The following PDCD11 variants were observed in gnomAD, a reference collection of about 807,000 sequenced individuals.
PDCD11 encodes the protein protein RRP5 homolog.
In PDCD11, 97 loss-of-function variants were observed where a neutral mutation model predicts 198.9. That is an observed-to-expected ratio of 0.49 (90% CI 0.41 to 0.58). PDCD11 has a LOEUF of 0.58. Among genes scored for constraint, PDCD11 ranks in the 20% least tolerant of loss-of-function variants. The probability of loss-of-function intolerance (pLI) is 0.00; values close to 1 mark genes in which losing one functional copy is unlikely to be tolerated. For synonymous variants in PDCD11, 893 were observed against 918.0 expected (o/e 0.97, Z 0.49); for missense variants, 2,102 against 2,312.7 (o/e 0.91, Z 1.87).
At position 103,440,579 on chromosome 10, in the gene PDCD11, C is replaced by A; in HGVS notation, c.4438C>A (p.Gln1480Lys). Residue 1480 changes from glutamine to lysine, a missense_variant and splice_region_variant, in exon 29 of 36, where the codon CAG becomes AAG. Physicochemically the swap from Gln to Lys is moderately conservative, Grantham distance 53. Transcript: ENST00000369797. ...GRECRESGSE[Q>K]ERVSKKPKKA... Reference sequence around the variant, plus strand: ...GGAGTGCCGGGAGTCTGGGAGTGAGCAGGTGAGGTCCTGCGGAGGGCTGTG... The same window carrying A: ...GGAGTGCCGGGAGTCTGGGAGTGAGAAGGTGAGGTCCTGCGGAGGGCTGTG... 6.2e-7 allele frequency: 1 copy of A among 1,610,160 alleles called. No individual in the cohort carries two copies. Among genetic ancestry groups the A allele is most frequent in the Non-Finnish European group, 8.5e-7 (1 of 1,179,080 alleles).
Position 103,403,248 on chromosome 10 carries a change from A to G in PDCD11, c.365A>G (p.Lys122Arg). Reference protein sequence around the residue: ...VTEICDAYTKKLNEQVTQEQP... With the variant: ...VTEICDAYTKRLNEQVTQEQP... Reference sequence around the variant, plus strand: ...GAAATCTGTGATGCCTACACCAAAAAGCTGAATGAGCAGGTGACACAAGAA... The same window carrying G: ...GAAATCTGTGATGCCTACACCAAAAGGCTGAATGAGCAGGTGACACAAGAA... The change falls in exon 4 of 36, where the codon AAG becomes AGG. Residue 122 changes from lysine to arginine, a missense_variant. By Grantham distance (26) the Lys-to-Arg change is conservative. Transcript: ENST00000369797. 2 of 1,614,252 alleles carry G rather than the reference A, an allele frequency of 1.2e-6. No individual in the cohort carries two copies. The highest frequency in any genetic ancestry group is 2.2e-5 in the South Asian group (2 of 91,086).
Position 103,423,143 on chromosome 10 carries a change from T to A in PDCD11, c.2647+6T>A, listed in dbSNP as rs779238805. ...CAGCAGATACCATCGCGCAGGTGAG[T>A]GCTTCTGTCTTACCCATTGTGGTTG... is the stretch of plus-strand genomic sequence containing the variant. On this transcript the variant is annotated splice_donor_region_variant and intron_variant, in intron 18 of 35. Coordinates refer to ENST00000369797, the MANE Select transcript of PDCD11 (RefSeq NM_014976.2). The A allele has an allele frequency of 1.3e-6, 2 of 1,554,746 alleles. No homozygotes were observed. The highest frequency in any genetic ancestry group is 1.7e-6 in the Non-Finnish European group (2 of 1,151,586).
At position 103,400,385 on chromosome 10, in the gene PDCD11, A is replaced by G. The variant is rs2029953699; in HGVS notation, c.103-12A>G. ...TTTTGGGTCTTTGTGGGCTCCCCCT[A>G]CCCGCTTCTAGATTTCTACTGAAGA... On this transcript the variant is annotated splice_polypyrimidine_tract_variant and intron_variant, in intron 2 of 35. Transcript: ENST00000369797. The G allele has an allele frequency of 1.9e-6, 3 of 1,608,014 alleles. No individual in the cohort carries two copies. The highest frequency in any genetic ancestry group is 8.5e-7 in the Non-Finnish European group (1 of 1,178,530).
chr10:103,428,309 G>GA (rs56689026), intron 21 of PDCD11, among the ~76,000 whole-genome samples: 18,581 of 143,110 alleles, frequency 0.13, 3,252 homozygotes, highest in African/African-American at 0.4. Flanking sequence ...CGTCTCAAAA[G>GA]AAAAAAAAAA....
Position 103,409,451 on chromosome 10 carries a change from G to T in PDCD11, c.871-248G>T, listed in dbSNP as rs371079571. On this transcript the variant is annotated intron_variant, in intron 7 of 35. Transcript: ENST00000369797. ...TCTTCCATTCCATGGAGGACTCCCA[G>T]AGAGTGGGAGGATTGATGTCCTCTC... is the stretch of plus-strand genomic sequence containing the variant. 4.6e-5 allele frequency among the ~76,000 whole-genome samples: 7 copies of T among 152,122 alleles called. No homozygotes were observed. The East Asian group carries it at 5.8e-4, about 13-fold the overall frequency.
Position 103,424,988 on chromosome 10 carries a change from G to T in PDCD11, c.2768G>T (p.Arg923Met), listed in dbSNP as rs2031619319. 1.2e-6 allele frequency: 2 copies of T among 1,613,872 alleles called. No homozygotes were observed. The highest frequency in any genetic ancestry group is 3.3e-5 in the Admixed American group (2 of 60,008). The change falls in exon 20 of 36, where the codon AGG becomes ATG. Residue 923 changes from arginine to methionine, a missense_variant. By Grantham distance (91) the Arg-to-Met change is moderately conservative. Coordinates refer to ENST00000369797, the MANE Select transcript of PDCD11 (RefSeq NM_014976.2). Reference sequence around the variant, plus strand: ...GGTGGCTTTTCTCTCTTCTAGCTGAGGAAAGGCAGCGAACACCAGGCGATT... The same window carrying T: ...GGTGGCTTTTCTCTCTTCTAGCTGATGAAAGGCAGCGAACACCAGGCGATT... ...DLVNRKARKLRKGSEHQAIVQ... is the reference protein window; with the variant it reads ...DLVNRKARKLMKGSEHQAIVQ...
chr10:103,437,631 G>T (rs1222438569), intron 25 of PDCD11, among the ~76,000 whole-genome samples: 1 of 152,104 alleles, frequency 6.6e-6, no homozygotes, highest in Non-Finnish European at 1.5e-5. Flanking sequence ...GGGACTACAG[G>T]CGCCCGCCAC....
intron 32 of PDCD11, 88 bp from the exon 33 acceptor site, chr10:103,443,077 G>T: frequency 8.5e-7 from 1 of 1,176,894 alleles, no homozygotes; most frequent in Non-Finnish European, 1.2e-6. Flanking sequence ...GAGGCTGGGA[G>T]GGGGAGGTGG....
intron 16 of PDCD11, 68 bp downstream of exon 16, chr10:103,419,776 G>C: frequency 1.4e-6 from 2 of 1,403,376 alleles, no homozygotes; most frequent in Non-Finnish European, 2.0e-6. Flanking sequence ...AGGGCGGGTA[G>C]GGAGGAGTAG....
intron 22 of PDCD11, 52 bp from the exon 23 acceptor site, chr10:103,433,896 G>C: frequency 1.4e-6 from 2 of 1,405,484 alleles, no homozygotes; most frequent in Non-Finnish European, 2.0e-6. Flanking sequence ...TTTTAATGGC[G>C]GGAAACCTTG....
intron 32 of PDCD11, 133 bp from the exon 33 acceptor site, chr10:103,443,032 G>A: frequency 1.5e-6 from 1 of 687,068 alleles, no homozygotes; most frequent in Non-Finnish European, 2.3e-6. Context: ...GCCTCTTAGG[G>A]TCTACATTTG....
rs1190680125 is a variant in PDCD11 at position 103,425,191 on chromosome 10, C to A, written c.2971C>A (p.Leu991Ile). Residue 991 changes from leucine (L) to isoleucine (I), a missense_variant, in exon 20 of 36, where the codon CTT (leucine) becomes ATT (isoleucine). By Grantham distance (5) the Leu-to-Ile change is conservative. Transcript: ENST00000369797. ...CACAGAACCAGGAGTGACTGGCCTT[C>A]TTTTGGCTGTGGAGGGGCCGGCTGC... ...KTTEPGVTGLLLAVEGPAAKR... is the reference protein window; with the variant it reads ...KTTEPGVTGLILAVEGPAAKR... The A allele has an allele frequency of 6.2e-7, 1 of 1,614,144 alleles. No individual in the cohort carries two copies. Among genetic ancestry groups the A allele is most frequent in the Non-Finnish European group, 8.5e-7 (1 of 1,180,032 alleles).
At chr10:103,425,780 C>T (rs770766926) in intron 20 of PDCD11, among the ~76,000 whole-genome samples, 2 of 151,992 alleles carry the variant, frequency 1.3e-5, no homozygotes, top group African/African-American at 2.4e-5. Flanking sequence ...CCTGGGTTCA[C>T]ACCCTTCTCC....
intron 2 of PDCD11, chr10:103,399,774 C>T (rs1401875712): frequency 1.3e-5 from 2 of 152,224 alleles, no homozygotes; most frequent in African/African-American, 4.8e-5. Context: ...CTGCAACCTC[C>T]ACTTCTTGGT....
chr10:103,444,464 G>T, intron 34 of PDCD11, 53 bp from the exon 35 acceptor site: 1 of 1,544,922 alleles, frequency 6.5e-7, no homozygotes, highest in African/African-American at 1.4e-5. Flanking sequence ...ACACTGTGTT[G>T]TGGTGAGGGG....
At position 103,445,910 on chromosome 10, in the gene PDCD11, T is replaced by C. The variant is rs2133763148; in HGVS notation, c.*361T>C. ...GTCCTGTGGTCAGGGTCCTGCTTTG[T>C]CCCTGGCAGGCTGTCAGTCCAGCTG... On this transcript the variant is annotated 3_prime_UTR_variant, in exon 36 of 36. Transcript: ENST00000369797. 1 of 201,302 alleles carries C rather than the reference T, an allele frequency of 5.0e-6. No individual in the cohort carries two copies. The highest frequency in any genetic ancestry group is 1.2e-4 in the East Asian group (1 of 8,606). 12.5% of individuals were successfully genotyped at this position (201,302 alleles called of 1,614,324 possible). A position where few individuals can be genotyped will look rare whatever the true frequency, so the allele number is the denominator to read the frequency against.
intron 4 of PDCD11, among the ~76,000 whole-genome samples, chr10:103,404,545 C>T (rs181580979): frequency 1.3e-5 from 2 of 152,260 alleles, no homozygotes; most frequent in East Asian, 1.9e-4. Context: ...GTGATCTGCC[C>T]GCCTTGGCCT....
Position 103,413,378 on chromosome 10 carries a change from C to T in PDCD11, c.1185+56C>T, listed in dbSNP as rs2030921775. ...CTTATCACTGGAAGGACTTCTGGAG[C>T]ACAGGGGGCCATTTCTGCTTCTTTC... On this transcript the variant is annotated intron_variant, in intron 9 of 35. Coordinates refer to ENST00000369797, the MANE Select transcript of PDCD11 (RefSeq NM_014976.2). The T allele has an allele frequency of 3.6e-6, 5 of 1,387,288 alleles. No homozygotes were observed. The East Asian group carries it at 9.2e-5, about 26-fold the overall frequency. The allele number at this position is 1,387,288 out of a possible 1,614,324, so 85.9% of individuals were successfully genotyped here.
chr10:103,440,723 T>A lies in PDCD11; in HGVS notation c.4441-11T>A. The A allele has an allele frequency of 2.5e-6, 4 of 1,614,036 alleles. No individual in the cohort carries two copies. The highest frequency in any genetic ancestry group is 3.4e-6 in the Non-Finnish European group (4 of 1,179,966). On this transcript the variant is annotated splice_polypyrimidine_tract_variant and intron_variant, in intron 29 of 35. Coordinates refer to ENST00000369797, the MANE Select transcript of PDCD11 (RefSeq NM_014976.2). ...GGATGCTCCTAGGCATTCTCCCACC[T>A]GGCCTCTCAGGAAAGAGTGAGCAAG... is the stretch of plus-strand genomic sequence containing the variant.
Sources: allele counts gnomAD v4.1 joint callset (sites outside exome capture counted in the v4.1 genomes callset), GRCh38; gene constraint gnomAD v4.1.1; transcripts MANE v1.5; gene names NCBI Gene and HGNC (gene_info 2026-07-23, HGNC 2026-07-21).